CMTM8: variants seen among roughly 807,000 people sequenced by gnomAD.
CMTM8 encodes CKLF like MARVEL transmembrane domain containing 8.
A neutral mutation model predicts 18.6 loss-of-function variants in CMTM8; 12 were observed. That is an observed-to-expected ratio of 0.65 (90% CI 0.41 to 1.05). The LOEUF is 1.05. Ranked by LOEUF, CMTM8 falls within the 50% of genes least tolerant of loss-of-function variation. The pLI is 0.00. For missense variants in CMTM8, 217 were observed against 227.2 expected (o/e 0.95, Z 0.29); for synonymous variants, 87 against 90.6 (o/e 0.96, Z 0.23).
chr3:32,310,443 G>A (rs1695797773), intron 1 of CMTM8, among the ~76,000 whole-genome samples: 1 of 152,210 alleles, frequency 6.6e-6, no homozygotes, highest in South Asian at 2.1e-4. Context: ...ATCTTAATGG[G>A]AGGCCTTGTC....
At chr3:32,302,150 T>A (rs1265780106) in intron 1 of CMTM8, among the ~76,000 whole-genome samples, 2 of 151,758 alleles carry the variant, frequency 1.3e-5, no homozygotes, top group African/African-American at 4.8e-5. Context: ...AAAAAAAAAT[T>A]TAATTAGCTG....
Position 32,248,511 on chromosome 3 carries a change from G to A in CMTM8, c.147+9392G>A, listed in dbSNP as rs568067966. On this transcript the variant is annotated intron_variant, in intron 1 of 3. Coordinates refer to ENST00000307526, the MANE Select transcript of CMTM8 (RefSeq NM_178868.5). ...TGAGTAGCTGGGATTACAGGCACCC[G>A]CCACCACACCTGGCTAATTTTTGTG... 1.7e-3 allele frequency among the ~76,000 whole-genome samples: 260 copies of A among 152,026 alleles called. 3 individuals are homozygous for A. The highest frequency in any genetic ancestry group is 4.0e-4 in the Non-Finnish European group (27 of 67,950).
chr3:32,368,930 C>T lies in CMTM8; in HGVS notation c.438+942C>T, dbSNP rs532976040. ...GGAGGGAGGCAGTTAGACAGAAATG[C>T]CAAAATGATTATGTCAAAGCTGATT... On this transcript the variant is annotated intron_variant, in intron 3 of 3. Transcript: ENST00000307526. 6.6e-5 allele frequency among the ~76,000 whole-genome samples: 10 copies of T among 152,202 alleles called. No homozygotes were observed. In the South Asian group the frequency reaches 1.9e-3, roughly 28 times the overall value.
At chr3:32,355,452 AT>A (rs1276034898) in intron 1 of CMTM8, among the ~76,000 whole-genome samples, 2 of 152,100 alleles carry the variant, frequency 1.3e-5, no homozygotes, top group Non-Finnish European at 2.9e-5. Context: ...TTAAAGTACC[AT>A]CTGCTGAAAT....
chr3:32,260,025 A>G, intron 1 of CMTM8: 1 of 1,129,632 alleles, frequency 8.9e-7, no homozygotes, highest in Non-Finnish European at 1.3e-6. Flanking sequence ...GCCCAGGAGT[A>G]CAAGGCCCTG....
intron 1 of CMTM8, among the ~76,000 whole-genome samples, chr3:32,338,899 G>A (rs776628479): frequency 6.6e-6 from 1 of 152,140 alleles, no homozygotes; most frequent in Non-Finnish European, 1.5e-5. Flanking sequence ...GTTTAACTGG[G>A]GCTGAAGAAT....
At chr3:32,259,305 G>A in intron 1 of CMTM8, 2 of 699,556 alleles carry the variant, frequency 2.9e-6, no homozygotes, top group South Asian at 1.4e-5. Context: ...GGGACCCCAG[G>A]TCAGAGACTG....
chr3:32,283,015 T>A (rs1702630127), intron 1 of CMTM8, among the ~76,000 whole-genome samples: 1 of 152,234 alleles, frequency 6.6e-6, no homozygotes, highest in Non-Finnish European at 1.5e-5. Flanking sequence ...TGTACTGTTT[T>A]TTTGGTCTGA....
intron 1 of CMTM8, among the ~76,000 whole-genome samples, chr3:32,309,324 TC>T (rs1422522378): frequency 2.9e-5 from 4 of 138,804 alleles, no homozygotes; most frequent in Admixed American, 2.2e-4. Context: ...TTTTTTTTTT[TC>T]GAGACAGAGT....
At chr3:32,312,868 A>C (rs1695847258) in intron 1 of CMTM8, among the ~76,000 whole-genome samples, 3 of 151,938 alleles carry the variant, frequency 2.0e-5, no homozygotes, top group Admixed American at 2.0e-4. Context: ...TTGTTATTAA[A>C]TAACAAGACT....
chr3:32,356,451 G>A (rs116541717), intron 1 of CMTM8, among the ~76,000 whole-genome samples: 1 of 152,176 alleles, frequency 6.6e-6, no homozygotes, highest in East Asian at 1.9e-4. Context: ...GTTTAGGTCA[G>A]TTTCCTTTTG....
rs977941384 is a variant in CMTM8, at chr3:32,279,358, G to T, written c.147+40239G>T. ...CCGACCCCACCACCGTCCCCAGAGT[G>T]TGATATTCCCCTTCCTGTGTCCTTG... On this transcript the variant is annotated intron_variant, in intron 1 of 3. Transcript: ENST00000307526. 2.9e-5 allele frequency among the ~76,000 whole-genome samples: 3 copies of T among 104,862 alleles called. No homozygotes were observed. In the Admixed American group the frequency reaches 3.4e-4, roughly 12 times the overall value. 68.8% of individuals were successfully genotyped at this position (104,862 alleles called of 152,430 possible). A position where few individuals can be genotyped will look rare whatever the true frequency, so the allele number is the denominator to read the frequency against.
intron 1 of CMTM8, among the ~76,000 whole-genome samples, chr3:32,300,055 T>A (rs1264044017): frequency 6.6e-6 from 1 of 152,226 alleles, no homozygotes; most frequent in Non-Finnish European, 1.5e-5. Context: ...CATAACACAT[T>A]TCTTTGATCA....
At chr3:32,332,949 T>A (rs193196096) in intron 1 of CMTM8, among the ~76,000 whole-genome samples, 1 of 152,334 alleles carries the variant, frequency 6.6e-6, no homozygotes, top group Admixed American at 6.5e-5. Flanking sequence ...GTATATGCTG[T>A]TTGTATGTAT....
At chr3:32,352,808 T>G (rs1559387581) in intron 1 of CMTM8, among the ~76,000 whole-genome samples, 1 of 152,154 alleles carries the variant, frequency 6.6e-6, no homozygotes, top group Non-Finnish European at 1.5e-5. Context: ...AGCTGTTCAC[T>G]TAGGATTTGT....
At chr3:32,312,750 T>A (rs1224452699) in intron 1 of CMTM8, among the ~76,000 whole-genome samples, 1 of 151,132 alleles carries the variant, frequency 6.6e-6, no homozygotes, top group Non-Finnish European at 1.5e-5. Context: ...AACCCTCTAA[T>A]CACATGATTT....
chr3:32,266,886 C>T (rs544554131), intron 1 of CMTM8, among the ~76,000 whole-genome samples: 1 of 152,284 alleles, frequency 6.6e-6, no homozygotes, highest in East Asian at 1.9e-4. Flanking sequence ...AGGAATCCAA[C>T]TTACAAGGGA....
rs921953909 is a variant in CMTM8, at chr3:32,252,762, T to C, written c.147+13643T>C. 2.6e-5 allele frequency among the ~76,000 whole-genome samples: 4 copies of C among 152,230 alleles called. 1 individual carries two copies. Among genetic ancestry groups the C allele is most frequent in the South Asian group, 4.1e-4 (2 of 4,832 alleles). The stretch of plus-strand genomic sequence containing the variant: ...TTGAATATGGGTGGTTTTCATTTTC[T>C]TTTTATACTTTTTTCCATTATTGCA... On this transcript the variant is annotated intron_variant, in intron 1 of 3. Coordinates refer to ENST00000307526, the MANE Select transcript of CMTM8 (RefSeq NM_178868.5).
intron 1 of CMTM8, among the ~76,000 whole-genome samples, chr3:32,319,742 T>C (rs1424687909): frequency 6.6e-6 from 1 of 152,148 alleles, no homozygotes; most frequent in Non-Finnish European, 1.5e-5. Flanking sequence ...CTAATAAAGG[T>C]AAAAGGCAGC....
Sources: allele counts gnomAD v4.1 joint callset (sites outside exome capture counted in the v4.1 genomes callset), GRCh38; gene constraint gnomAD v4.1.1; transcripts MANE v1.5; gene names NCBI Gene and HGNC (gene_info 2026-07-23, HGNC 2026-07-21).